TMEM45A: variants seen among roughly 807,000 people sequenced by gnomAD.
The protein encoded by TMEM45A is DNA polymerase-transactivated protein 4.
TMEM45A carries 25 observed loss-of-function variants against 32.0 expected under a neutral mutation model. That is an observed-to-expected ratio of 0.78 (90% confidence interval 0.57 to 1.09). TMEM45A has a LOEUF of 1.09. TMEM45A is among the 50% of genes least tolerant of loss of function. The pLI is 0.00. For synonymous variants in TMEM45A, 122 were observed against 114.8 expected (o/e 1.06, Z -0.40); for missense variants, 302 against 325.0 (o/e 0.93, Z 0.54).
intron 1 of TMEM45A, among the ~76,000 whole-genome samples, chr3:100,525,739 C>T (rs1210109936): frequency 1.3e-5 from 2 of 152,174 alleles, no homozygotes; most frequent in Non-Finnish European, 2.9e-5. Context: ...CACTTGTGGT[C>T]AGCAATGGGG....
rs1559649519 is a variant in TMEM45A at position 100,555,190 on chromosome 3, T to G, written c.-3-19T>G. 1 of 1,575,260 alleles carries G rather than the reference T, an allele frequency of 6.3e-7. No individual in the cohort carries two copies. Among genetic ancestry groups the G allele is most frequent in the African/African-American group, 1.4e-5 (1 of 72,950 alleles). On this transcript the variant is annotated intron_variant, in intron 1 of 5. Transcript: ENST00000323523. Reference sequence around the variant, plus strand: ...GCAATGAAATGTCTTTTACTTTCTGTGTGTTCTTATATTTGTAGATCATGG... The same window carrying G: ...GCAATGAAATGTCTTTTACTTTCTGGGTGTTCTTATATTTGTAGATCATGG...
At chr3:100,539,962 A>G (rs1196085524) in intron 1 of TMEM45A, among the ~76,000 whole-genome samples, 3 of 152,192 alleles carry the variant, frequency 2.0e-5, no homozygotes, top group African/African-American at 7.2e-5. Context: ...CATTAACTCA[A>G]AATGGATTAT....
At chr3:100,536,478 GT>G (rs1167036838) in intron 1 of TMEM45A, among the ~76,000 whole-genome samples, 1 of 152,160 alleles carries the variant, frequency 6.6e-6, no homozygotes, top group Non-Finnish European at 1.5e-5. Context: ...CCTTGTCTAT[GT>G]CCTGTCCGCA....
intron 5 of TMEM45A, chr3:100,571,596 T>C (rs913886374): frequency 6.6e-6 from 1 of 152,136 alleles, no homozygotes; most frequent in Non-Finnish European, 1.5e-5. Context: ...ATTCTTTTTT[T>C]AAAAATTTTA....
chr3:100,569,591 T>C lies in TMEM45A; in HGVS notation c.734+624T>C, dbSNP rs371805813. Among the ~76,000 whole-genome samples, 5 of 152,318 alleles carry C rather than the reference T, an allele frequency of 3.3e-5. No homozygotes were observed. The East Asian group carries it at 7.7e-4, about 23-fold the overall frequency. The stretch of plus-strand genomic sequence containing the variant: ...CCAATTACTTAACCACATTAAGTAC[T>C]AGTTTTGTTGTTTGTAAAATGGGGA... On this transcript the variant is annotated intron_variant, in intron 5 of 5. Transcript: ENST00000323523.
At chr3:100,510,039 G>C (rs1263593914) in intron 1 of TMEM45A, among the ~76,000 whole-genome samples, 1 of 152,214 alleles carries the variant, frequency 6.6e-6, no homozygotes, top group Non-Finnish European at 1.5e-5. Context: ...GCGAGGTTGG[G>C]GGAGGAGCGC....
intron 1 of TMEM45A, among the ~76,000 whole-genome samples, chr3:100,514,872 A>T (rs1708234229): frequency 6.7e-6 from 1 of 149,712 alleles, no homozygotes; most frequent in Non-Finnish European, 1.5e-5. Context: ...AAACACATGA[A>T]AAAATGCTCA....
chr3:100,549,667 G>A (rs543500680), intron 1 of TMEM45A, among the ~76,000 whole-genome samples: 1 of 152,188 alleles, frequency 6.6e-6, no homozygotes, highest in South Asian at 2.1e-4. Flanking sequence ...AAAGGAGGAA[G>A]AGTGGGCAGT....
intron 1 of TMEM45A, among the ~76,000 whole-genome samples, chr3:100,548,846 A>G (rs958177403): frequency 1.7e-4 from 26 of 152,270 alleles, no homozygotes; most frequent in Non-Finnish European, 3.4e-4. Flanking sequence ...TGCACTGTTG[A>G]CCTACAGCAG....
chr3:100,569,107 T>A, intron 5 of TMEM45A, 140 bp downstream of exon 5: 1 of 875,842 alleles, frequency 1.1e-6, no homozygotes, highest in African/African-American at 1.7e-5. Flanking sequence ...CAGAACATTA[T>A]CTGCAAACAC....
intron 1 of TMEM45A, among the ~76,000 whole-genome samples, chr3:100,505,629 T>C (rs1386731184): frequency 6.6e-6 from 1 of 152,226 alleles, no homozygotes; most frequent in Non-Finnish European, 1.5e-5. Context: ...ATACTGGTAT[T>C]GAGTGCAAAG....
Position 100,554,801 on chromosome 3 carries a change from T to C in TMEM45A, c.-3-408T>C, listed in dbSNP as rs1706179795. On this transcript the variant is annotated intron_variant, in intron 1 of 5. Coordinates refer to ENST00000323523, the MANE Select transcript of TMEM45A (RefSeq NM_018004.3). ...ATATACTGTGGATGTGAAGAAATCC[T>C]TTTCATTTCTGTGTTAAAAATAATG... Among the ~76,000 whole-genome samples, 2 of 152,222 alleles carry C rather than the reference T, an allele frequency of 1.3e-5. 1 individual carries two copies. Among genetic ancestry groups the C allele is most frequent in the South Asian group, 4.1e-4 (2 of 4,824 alleles).
chr3:100,539,456 T>TATGCATATGCATATGCATATGCATATGC (rs1325083540), intron 1 of TMEM45A, among the ~76,000 whole-genome samples: 3 of 84,520 alleles, frequency 3.5e-5, no homozygotes, highest in Non-Finnish European at 7.2e-5. Context: ...TATGTATATG[T>TATGCATATGCATATGCATATGCATATGC]ATATGTATAT....
rs369858997 is a variant in TMEM45A, at chr3:100,550,847, T to C, written c.-3-4362T>C. Among the ~76,000 whole-genome samples the C allele has an allele frequency of 2.0e-5, 3 of 152,134 alleles. No homozygotes were observed. The East Asian group carries it at 5.8e-4, about 29-fold the overall frequency. Reference sequence around the variant, plus strand: ...TCAGCAAAAAGTAGGGTAATGGGGATACCAGGAGGGGTTTCTGGTTTTCAG... The same window carrying C: ...TCAGCAAAAAGTAGGGTAATGGGGACACCAGGAGGGGTTTCTGGTTTTCAG... On this transcript the variant is annotated intron_variant, in intron 1 of 5. Coordinates refer to ENST00000323523, the MANE Select transcript of TMEM45A (RefSeq NM_018004.3).
chr3:100,552,102 T>A (rs1706118074), intron 1 of TMEM45A, among the ~76,000 whole-genome samples: 4 of 152,332 alleles, frequency 2.6e-5, no homozygotes, highest in Admixed American at 2.6e-4. Flanking sequence ...ATAGGCAATA[T>A]GTTTGCTTGT....
At chr3:100,528,366 GT>G (rs751408260) in intron 1 of TMEM45A, among the ~76,000 whole-genome samples, 35 of 152,298 alleles carry the variant, frequency 2.3e-4, no homozygotes, top group South Asian at 2.3e-3. Context: ...GAAGGAAGTT[GT>G]TGATTTATTC....
At chr3:100,560,261 CTT>C (rs57831681) in intron 4 of TMEM45A, among the ~76,000 whole-genome samples, 9 of 143,578 alleles carry the variant, frequency 6.3e-5, no homozygotes, top group Non-Finnish European at 6.1e-5. Context: ...CTCTCTCTCT[CTT>C]TTTTTTTTTT....
Position 100,502,361 on chromosome 3 carries a change from T to C in TMEM45A, c.-4+9433T>C, listed in dbSNP as rs571128540. 5.8e-4 allele frequency among the ~76,000 whole-genome samples: 89 copies of C among 152,312 alleles called. 1 individual carries two copies. The South Asian group carries it at 0.017, about 30-fold the overall frequency. On this transcript the variant is annotated intron_variant, in intron 1 of 5. Coordinates refer to ENST00000323523, the MANE Select transcript of TMEM45A (RefSeq NM_018004.3). ...CAGGCATAATTCAGACTAATGATCA[T>C]GGCAGAATGTTAAAGGCAGATTAAA...
intron 4 of TMEM45A, among the ~76,000 whole-genome samples, chr3:100,565,299 C>A (rs975690347): frequency 6.6e-6 from 1 of 152,146 alleles, no homozygotes; most frequent in Admixed American, 6.5e-5. Flanking sequence ...GTGGTGGTAC[C>A]GCCATCTGTC....
Sources: gnomAD v4.1 joint callset for allele counts (sites outside exome capture counted in the v4.1 genomes callset) on GRCh38, gnomAD v4.1.1 for gene constraint, MANE v1.5 for transcripts, NCBI Gene and HGNC (gene_info 2026-07-23, HGNC 2026-07-21) for gene names.